The following TMEM135 variants were observed in gnomAD, a reference collection of about 807,000 sequenced individuals.
The protein encoded by TMEM135 is transmembrane protein 135, also known as peroxisomal membrane protein 52.
In TMEM135, 30 loss-of-function variants were observed where a neutral mutation model predicts 60.3. That is an observed-to-expected ratio of 0.50 (90% CI 0.37 to 0.68). The LOEUF (loss-of-function observed/expected upper bound fraction) is 0.68. TMEM135 is among the 30% of genes least tolerant of loss of function. TMEM135 has a pLI of 0.00. For synonymous variants in TMEM135, 190 were observed against 186.7 expected (o/e 1.02, Z -0.14); for missense variants, 468 against 548.8 (o/e 0.85, Z 1.47).
Position 87,322,433 on chromosome 11 carries a change from A to C in TMEM135, c.*1100A>C, listed in dbSNP as rs776388860. On this transcript the variant is annotated 3_prime_UTR_variant, in exon 15 of 15. Coordinates refer to ENST00000305494, the MANE Select transcript of TMEM135 (RefSeq NM_022918.4). ...CACCATTTTTACTGTTAGAATAAAG[A>C]GGTGACACCATAAAGTCCTGCTGAT... is the stretch of plus-strand genomic sequence containing the variant. The C allele has an allele frequency of 2.4e-5, 11 of 454,004 alleles. No homozygotes were observed. The highest frequency in any genetic ancestry group is 1.7e-4 in the South Asian group (11 of 64,474). The allele number at this position is 454,004 out of a possible 1,614,324, so 28.1% of individuals were successfully genotyped here. A position where few individuals can be genotyped will look rare whatever the true frequency, so the allele number is the denominator to read the frequency against.
intron 4 of TMEM135, among the ~76,000 whole-genome samples, chr11:87,128,795 C>T (rs1398256154): frequency 6.6e-6 from 1 of 152,076 alleles, no homozygotes; most frequent in Non-Finnish European, 1.5e-5. Flanking sequence ...GAGAAACCAG[C>T]AAGAATATTT....
chr11:87,092,847 C>CT lies in TMEM135; in HGVS notation c.396+1459dup, dbSNP rs549596979. ...TGGTTTTACTTTTTAGGTAATCTCT[C>CT]TTTTTTTCTCAAATTTTTTTTTAAG... is the stretch of plus-strand genomic sequence containing the variant. On this transcript the variant is annotated intron_variant, in intron 4 of 14. Transcript: ENST00000305494. Among the ~76,000 whole-genome samples, 5 of 41,578 alleles carry CT rather than the reference C, an allele frequency of 1.2e-4. No homozygotes were observed. In the East Asian group the frequency reaches 6.8e-3, roughly 56 times the overall value. The allele number at this position is 41,578 out of a possible 152,430, so 27.3% of individuals were successfully genotyped here.
At chr11:87,319,130 AAGTGCTG>A in intron 13 of TMEM135, 173 bp from the exon 14 acceptor site, 1 of 597,618 alleles carries the variant, frequency 1.7e-6, no homozygotes, top group Non-Finnish European at 3.0e-6. Context: ...CGGCCTCCCC[AAGTGCTG>A]AGATTACAGG....
At position 87,037,954 on chromosome 11, in the gene TMEM135, G is replaced by A. The variant is rs1428201054; in HGVS notation, c.-92G>A. 1.3e-6 allele frequency: 2 copies of A among 1,589,126 alleles called. No homozygotes were observed. On this transcript the variant is annotated 5_prime_UTR_variant, in exon 1 of 15. Coordinates refer to ENST00000305494, the MANE Select transcript of TMEM135 (RefSeq NM_022918.4). ...CCTCCATTCCGCACCTCCGAGTGCTGGCCGGGCGAGAGGCTGGCGGCTGGG... is the reference window on the plus strand; with the variant it reads ...CCTCCATTCCGCACCTCCGAGTGCTAGCCGGGCGAGAGGCTGGCGGCTGGG...
intron 6 of TMEM135, among the ~76,000 whole-genome samples, chr11:87,265,586 C>A (rs1180599209): frequency 6.6e-6 from 1 of 151,948 alleles, no homozygotes; most frequent in Non-Finnish European, 1.5e-5. Context: ...AATTGGTATG[C>A]ACCTTTTATG....
chr11:87,291,912 C>A (rs925818288), intron 6 of TMEM135, among the ~76,000 whole-genome samples: 1 of 152,136 alleles, frequency 6.6e-6, no homozygotes, highest in Non-Finnish European at 1.5e-5. Flanking sequence ...AAAGTTCTTA[C>A]GTTGCCTAAA....
At chr11:87,179,661 C>T (rs1939465733) in intron 5 of TMEM135, among the ~76,000 whole-genome samples, 2 of 152,084 alleles carry the variant, frequency 1.3e-5, no homozygotes, top group Non-Finnish European at 1.5e-5. Flanking sequence ...GTACCAGCAG[C>T]ATTTTTTGAA....
At chr11:87,157,111 T>A (rs1349090513) in intron 4 of TMEM135, among the ~76,000 whole-genome samples, 1 of 149,838 alleles carries the variant, frequency 6.7e-6, no homozygotes, top group African/African-American at 2.5e-5. Flanking sequence ...CACTCTGTCA[T>A]CTAGGCAGTG....
rs746176419 is a variant in TMEM135 at position 87,116,010 on chromosome 11, AT to A, written c.396+24617del. On this transcript the variant is annotated intron_variant, in intron 4 of 14. Transcript: ENST00000305494. ...TAGATTAATGGTAAATTTTAGTTACATTACCAAATCTTAGGATTAAAAAATA... is the reference window on the plus strand; with the variant it reads ...TAGATTAATGGTAAATTTTAGTTACATACCAAATCTTAGGATTAAAAAATA... Among the ~76,000 whole-genome samples, 65 of 152,256 alleles carry A rather than the reference AT, an allele frequency of 4.3e-4. No homozygotes were observed. The Middle Eastern group carries it at 0.014, about 32-fold the overall frequency.
At chr11:87,310,601 G>A (rs1309960568) in intron 10 of TMEM135, among the ~76,000 whole-genome samples, 4 of 141,812 alleles carry the variant, frequency 2.8e-5, no homozygotes, top group Admixed American at 7.2e-5. Flanking sequence ...TGTATCCCCC[G>A]AATCTAAAAA....
chr11:87,225,822 G>A (rs1940753837), intron 5 of TMEM135, among the ~76,000 whole-genome samples: 1 of 152,102 alleles, frequency 6.6e-6, no homozygotes, highest in Non-Finnish European at 1.5e-5. Context: ...TTTTAGGTGA[G>A]TACCCTAACT....
intron 6 of TMEM135, among the ~76,000 whole-genome samples, chr11:87,286,733 G>C (rs1357603369): frequency 6.6e-6 from 1 of 152,182 alleles, no homozygotes; most frequent in African/African-American, 2.4e-5. Context: ...TAGGCATCCT[G>C]GTTCCTTTTT....
At chr11:87,305,740 A>T (rs1942528370) in intron 8 of TMEM135, among the ~76,000 whole-genome samples, 196 bp from the exon 9 acceptor site, 3 of 151,860 alleles carry the variant, frequency 2.0e-5, no homozygotes, top group Admixed American at 2.0e-4. Context: ...CGCCCATTGT[A>T]CTCCAGCCTG....
chr11:87,124,062 C>A (rs1490579848), intron 4 of TMEM135, among the ~76,000 whole-genome samples: 1 of 152,168 alleles, frequency 6.6e-6, no homozygotes, highest in Non-Finnish European at 1.5e-5. Context: ...TTGCTCCTTG[C>A]AATAGGTCTA....
intron 6 of TMEM135, among the ~76,000 whole-genome samples, chr11:87,255,932 C>T (rs1480869548): frequency 6.6e-6 from 1 of 152,024 alleles, no homozygotes; most frequent in African/African-American, 2.4e-5. Flanking sequence ...ATTATTTTCC[C>T]AGAATTTGCT....
intron 5 of TMEM135, among the ~76,000 whole-genome samples, chr11:87,162,653 C>T (rs1351488430): frequency 6.6e-6 from 1 of 152,134 alleles, no homozygotes; most frequent in Non-Finnish European, 1.5e-5. Context: ...CAAGTCTTTG[C>T]TATTGTGAAC....
intron 3 of TMEM135, among the ~76,000 whole-genome samples, chr11:87,072,833 A>G (rs1856796639): frequency 6.6e-6 from 1 of 152,236 alleles, no homozygotes. Context: ...AGGTTTTGCC[A>G]TAAGAAAATA....
chr11:87,266,921 C>G (rs12278867), intron 6 of TMEM135, among the ~76,000 whole-genome samples: 53,757 of 152,028 alleles, frequency 0.35, 10,057 homozygotes, highest in Non-Finnish European at 0.42. Flanking sequence ...ACATAGTTGC[C>G]TCATTATAGG....
At chr11:87,243,235 A>G (rs1434297245) in intron 6 of TMEM135, among the ~76,000 whole-genome samples, 2 of 130,518 alleles carry the variant, frequency 1.5e-5, no homozygotes, top group East Asian at 2.0e-4. Flanking sequence ...TACCAGTACC[A>G]TGCTGTTTTG....
Sources: gnomAD v4.1 joint callset for allele counts (sites outside exome capture counted in the v4.1 genomes callset) on GRCh38, gnomAD v4.1.1 for gene constraint, MANE v1.5 for transcripts, NCBI Gene and HGNC (gene_info 2026-07-23, HGNC 2026-07-21) for gene names.